HYDIN: variants seen among roughly 807,000 people sequenced by gnomAD.
HYDIN encodes axonemal central pair apparatus protein HYDIN.
HYDIN carries 132 observed loss-of-function variants against 403.9 expected under a neutral mutation model. That is an observed-to-expected ratio of 0.33 (90% CI 0.28 to 0.38). The LOEUF is 0.38. Among genes scored for constraint, HYDIN ranks in the 10% least tolerant of loss-of-function variants. HYDIN has a pLI of 1.00. For synonymous variants in HYDIN, 1,202 were observed against 1,891.7 expected, an observed-to-expected ratio of 0.64 and a Z score of 9.46; for missense variants, 2,827 against 5,009.5, an observed-to-expected ratio of 0.56 and a Z score of 13.15.
At chr16:70,933,231 C>A (rs923393007) in intron 45 of HYDIN, among the ~76,000 whole-genome samples, 1 of 152,134 alleles carries the variant, frequency 6.6e-6, no homozygotes, top group Non-Finnish European at 1.5e-5. Flanking sequence ...AGGAGGGGGA[C>A]TCCCTCACAG....
At chr16:70,906,372 T>G (rs1291617109) in intron 50 of HYDIN, among the ~76,000 whole-genome samples, 1 of 151,840 alleles carries the variant, frequency 6.6e-6, no homozygotes, top group African/African-American at 2.4e-5. Context: ...GAAAAAGACA[T>G]GATTGCGTAG....
chr16:70,822,434 G>T (rs2036327570), intron 83 of HYDIN, among the ~76,000 whole-genome samples: 1 of 151,890 alleles, frequency 6.6e-6, no homozygotes, highest in Non-Finnish European at 1.5e-5. Context: ...CTCAAGATGG[G>T]ATTTATTCAT....
intron 23 of HYDIN, among the ~76,000 whole-genome samples, chr16:70,994,405 G>T (rs573696218): frequency 6.6e-6 from 1 of 152,218 alleles, no homozygotes; most frequent in East Asian, 1.9e-4. Flanking sequence ...ATAAAGAGTG[G>T]CGATGGGAAA....
At position 71,040,485 on chromosome 16, in the gene HYDIN, G is replaced by A. The variant is rs146846796; in HGVS notation, c.2530-8568C>T. 0.019 allele frequency among the ~76,000 whole-genome samples: 889 copies of A among 47,342 alleles called. 57 individuals carry two copies. In the East Asian group the frequency reaches 0.31, roughly 17 times the overall value. 31.1% of individuals were successfully genotyped at this position (47,342 alleles called of 152,430 possible). A position where few individuals can be genotyped will look rare whatever the true frequency, so the allele number is the denominator to read the frequency against. ...AAAAATGCACATACCCCCCCTCCCC[G>A]CACCCCCCTCCCCCCCACACACACA... On this transcript the variant is annotated intron_variant, in intron 18 of 85. Transcript: ENST00000393567.
intron 19 of HYDIN, among the ~76,000 whole-genome samples, chr16:71,028,688 T>G (rs1312361801): frequency 6.6e-6 from 1 of 151,912 alleles, no homozygotes; most frequent in Non-Finnish European, 1.5e-5. Context: ...TGTTCCTCCT[T>G]AGGAAATGAC....
rs199704165 is a variant in HYDIN, at chr16:70,810,006, C to T, written c.14660G>A (p.Gly4887Asp). ...GGGCTGAAATTCAAATGAGAACGTG[C>T]CCTGGAAGAGAAAACAGAGGATCCT... ...SQFVVPANSE[G>D]TFSFEFQPLK... Residue 4887 changes from glycine (G) to aspartate (D), a missense_variant and splice_region_variant, in exon 85 of 86, where the codon GGC (glycine) becomes GAC (aspartate). Physicochemically the swap from Gly to Asp is moderately conservative, Grantham distance 94. Transcript: ENST00000393567. 5.7e-4 allele frequency: 922 copies of T among 1,613,892 alleles called. 1 individual carries two copies. Among genetic ancestry groups the T allele is most frequent in the Non-Finnish European group, 7.3e-4 (865 of 1,179,850 alleles).
intron 76 of HYDIN, among the ~76,000 whole-genome samples, chr16:70,839,624 G>T (rs1040857335): frequency 6.6e-6 from 1 of 152,024 alleles, no homozygotes; most frequent in Non-Finnish European, 1.5e-5. Context: ...CTTGAATGGG[G>T]CTCAGAACCT....
chr16:71,031,199 C>CAAA lies in HYDIN; in HGVS notation c.2768+477_2768+479dup, dbSNP rs376968331. 7.5e-4 allele frequency among the ~76,000 whole-genome samples: 19 copies of CAAA among 25,198 alleles called. 2 individuals carry two copies. Among genetic ancestry groups the CAAA allele is most frequent in the African/African-American group, 2.2e-3 (16 of 7,332 alleles). 16.5% of individuals were successfully genotyped at this position (25,198 alleles called of 152,430 possible). On this transcript the variant is annotated intron_variant, in intron 19 of 85. Transcript: ENST00000393567. ...TAGGCCACAGAGCAAGACTCCATCT[C>CAAA]AAAAAAAAAAAAAAAAAAAAAAAAA...
chr16:71,227,147 ATGTGTG>A (rs1032698797), intron 1 of HYDIN, among the ~76,000 whole-genome samples: 1 of 149,898 alleles, frequency 6.7e-6, no homozygotes. Flanking sequence ...ATATATGTGT[ATGTGTG>A]TGTGTGTGTG....
At chr16:71,175,928 T>C in intron 4 of HYDIN, 187 bp from the exon 5 acceptor site, 2 of 652,774 alleles carry the variant, frequency 3.1e-6, no homozygotes, top group East Asian at 2.8e-5. Context: ...CAATACCTTC[T>C]AGCTTTCATT....
intron 23 of HYDIN, among the ~76,000 whole-genome samples, chr16:70,996,984 TG>T (rs1235179412): frequency 6.7e-6 from 1 of 150,024 alleles, no homozygotes; most frequent in Non-Finnish European, 1.5e-5. Flanking sequence ...GTAGAATCAG[TG>T]GGAGCCCTGA....
chr16:71,001,903 G>T (rs190393513), intron 23 of HYDIN, among the ~76,000 whole-genome samples: 2 of 152,354 alleles, frequency 1.3e-5, no homozygotes, highest in Admixed American at 1.3e-4. Flanking sequence ...AATCTGGTGG[G>T]TATGTAATGG....
At chr16:71,189,981 A>C (rs1408611924) in intron 1 of HYDIN, among the ~76,000 whole-genome samples, 1 of 152,146 alleles carries the variant, frequency 6.6e-6, no homozygotes, top group Non-Finnish European at 1.5e-5. Context: ...TAAACGAAGA[A>C]AAGTTTTTAT....
chr16:70,804,351 G>T lies in HYDIN; in HGVS notation c.*3229C>A, dbSNP rs1035846585. 9.2e-5 allele frequency among the ~76,000 whole-genome samples: 14 copies of T among 152,244 alleles called. No individual in the cohort carries two copies. Among genetic ancestry groups the T allele is most frequent in the Admixed American group, 9.2e-4 (14 of 15,288 alleles). On this transcript the variant is annotated 3_prime_UTR_variant, in exon 86 of 86. Transcript: ENST00000393567. ...GCACAGAGACAGTGGGGATGCAGCA[G>T]AGAAAGTGATGATCAAAGGTCACTG... is the stretch of plus-strand genomic sequence containing the variant.
intron 45 of HYDIN, among the ~76,000 whole-genome samples, chr16:70,932,117 G>A (rs1220009142): frequency 1.3e-5 from 2 of 149,140 alleles, no homozygotes; most frequent in African/African-American, 4.9e-5. Flanking sequence ...CACTTTGGGA[G>A]GCTGAGGTGG....
chr16:71,040,477 C>G (rs1279053341), intron 18 of HYDIN, among the ~76,000 whole-genome samples: 2 of 147,204 alleles, frequency 1.4e-5, no homozygotes, highest in African/African-American at 2.5e-5. Context: ...CACATACCCC[C>G]CCTCCCCGCA....
chr16:70,831,141 C>G (rs950796273), intron 80 of HYDIN, among the ~76,000 whole-genome samples: 2 of 150,584 alleles, frequency 1.3e-5, no homozygotes, highest in African/African-American at 2.5e-5. Flanking sequence ...TGGCTGAAAT[C>G]AACAAGAAAT....
chr16:71,202,088 T>C (rs2088048215), intron 1 of HYDIN, among the ~76,000 whole-genome samples: 3 of 152,234 alleles, frequency 2.0e-5, no homozygotes, highest in Non-Finnish European at 4.4e-5. Context: ...CCTTTGATTC[T>C]GTCAACACCA....
chr16:70,965,755 G>T (rs2078553599), intron 36 of HYDIN, among the ~76,000 whole-genome samples: 1 of 151,562 alleles, frequency 6.6e-6, no homozygotes, highest in Non-Finnish European at 1.5e-5. Flanking sequence ...CTGCTAATAG[G>T]CTCCATGTAA....
Sources: gnomAD v4.1 joint callset for allele counts (sites outside exome capture counted in the v4.1 genomes callset) on GRCh38, gnomAD v4.1.1 for gene constraint, MANE v1.5 for transcripts, NCBI Gene and HGNC (gene_info 2026-07-23, HGNC 2026-07-21) for gene names.